GSN: variants seen among roughly 807,000 people sequenced by gnomAD.
GSN encodes gelsolin, also known as actin-depolymerizing factor.
Under a neutral mutation model 85.7 loss-of-function variants are expected in GSN, and 56 were observed. The observed-to-expected ratio is 0.65, with a 90% CI of 0.53 to 0.82. The LOEUF (loss-of-function observed/expected upper bound fraction) is 0.82. Ranked by LOEUF, GSN falls within the 40% of genes least tolerant of loss-of-function variation. GSN has a pLI of 0.00. For synonymous variants in GSN, 373 were observed against 399.1 expected (o/e 0.93, Z 0.78); for missense variants, 857 against 979.8 (o/e 0.87, Z 1.67).
rs780822205 is a variant in GSN, at chr9:121,326,753, C to T, written c.1587+71C>T. On this transcript the variant is annotated intron_variant, in intron 13 of 17. Transcript: ENST00000432226. ...ACCTCCCAGCTCAATGACCAGATCT[C>T]CAGGCACAGGAACGGGGGCAGGGGA... The T allele has an allele frequency of 5.3e-6, 7 of 1,320,826 alleles. No homozygotes were observed. The African/African-American group carries it at 7.2e-5, about 14-fold the overall frequency. 81.8% of individuals were successfully genotyped at this position (1,320,826 alleles called of 1,614,324 possible).
intron 5 of GSN, 156 bp from the exon 6 acceptor site, chr9:121,312,183 G>A (rs999681491): frequency 4.4e-5 from 33 of 750,452 alleles, no homozygotes; most frequent in South Asian, 1.1e-4. Flanking sequence ...TTAATTGTAC[G>A]TAAATAATGC....
Position 121,327,431 on chromosome 9 carries a change from C to T in GSN, c.1711C>T (p.Leu571Phe). The T allele has an allele frequency of 6.2e-7, 1 of 1,606,178 alleles. No individual in the cohort carries two copies. The highest frequency in any genetic ancestry group is 1.1e-5 in the South Asian group (1 of 89,776). ...EAEKTGAQEL[L>F]RVLRAQPVQV... Reference sequence around the variant, plus strand: ...AGAGAAGACGGGGGCCCAGGAGCTGCTCAGGGTGCTGCGGGCCCAACCTGT... The same window carrying T: ...AGAGAAGACGGGGGCCCAGGAGCTGTTCAGGGTGCTGCGGGCCCAACCTGT... The change falls in exon 14 of 18, where the codon CTC becomes TTC. Residue 571 changes from leucine to phenylalanine, a missense_variant. Physicochemically the swap from Leu to Phe is conservative, Grantham distance 22. Transcript: ENST00000432226.
chr9:121,310,776 T>C lies in GSN; in HGVS notation c.444T>C (p.Arg148=). The C allele has an allele frequency of 6.2e-7, 1 of 1,614,140 alleles. No homozygotes were observed. The highest frequency in any genetic ancestry group is 8.5e-7 in the Non-Finnish European group (1 of 1,180,010). ...LFQVKGRRVV[R]ATEVPVSWES... ...AGGTCAAAGGGCGGCGTGTGGTCCGTGCCACCGAGGTACCTGTGTCCTGGG... is the reference window on the plus strand; with the variant it reads ...AGGTCAAAGGGCGGCGTGTGGTCCGCGCCACCGAGGTACCTGTGTCCTGGG... Residue 148 remains arginine, a synonymous_variant, in exon 5 of 18, where the codon CGT becomes CGC. Transcript: ENST00000432226.
chr9:121,234,697 T>C (rs1396336140), intron 5 of GSN, among the ~76,000 whole-genome samples: 1 of 152,064 alleles, frequency 6.6e-6, no homozygotes, highest in Non-Finnish European at 1.5e-5. Flanking sequence ...AAAAAATAAA[T>C]GTAGGGTTGG....
intron 4 of GSN, among the ~76,000 whole-genome samples, chr9:121,227,175 T>A (rs2054285307): frequency 6.6e-6 from 1 of 152,054 alleles, no homozygotes; most frequent in South Asian, 2.1e-4. Context: ...GGGCGGATCA[T>A]CTGAGGTCAG....
chr9:121,268,991 G>T (rs913355790), intron 1 of GSN, among the ~76,000 whole-genome samples: 1 of 152,212 alleles, frequency 6.6e-6, no homozygotes. Context: ...GGGGGTGTGG[G>T]TGAGCAGGAG....
chr9:121,322,098 A>G (rs913349643), intron 11 of GSN, among the ~76,000 whole-genome samples: 2 of 152,206 alleles, frequency 1.3e-5, no homozygotes, highest in African/African-American at 4.8e-5. Flanking sequence ...TCAAAACAGA[A>G]TATAAAGGTA....
At chr9:121,239,081 G>T in intron 5 of GSN, 1 of 381,716 alleles carries the variant, frequency 2.6e-6, no homozygotes, top group Admixed American at 3.3e-5. Context: ...GTAAGAGTAG[G>T]AATTTGAGTA....
chr9:121,208,443 G>A (rs986293655), intron 1 of GSN, among the ~76,000 whole-genome samples: 3 of 152,204 alleles, frequency 2.0e-5, no homozygotes, highest in African/African-American at 7.2e-5. Context: ...AGATAGAAAT[G>A]TATTCTTCCC....
chr9:121,216,683 G>T (rs991065526), intron 4 of GSN, among the ~76,000 whole-genome samples: 19 of 152,146 alleles, frequency 1.2e-4, no homozygotes, highest in African/African-American at 4.3e-4. Context: ...TGTTTTCTTG[G>T]TATTATAGTG....
chr9:121,307,839 TCCTGTCTTTCTGCGCTTCC>T (rs1161934890), intron 4 of GSN, among the ~76,000 whole-genome samples: 1 of 151,872 alleles, frequency 6.6e-6, no homozygotes, highest in African/African-American at 2.4e-5. Context: ...CTCAGAACCC[TCCTGTCTTTCTGCGCTTCC>T]CCTGCCTTTC....
chr9:121,326,827 C>T, intron 13 of GSN, 145 bp downstream of exon 13: 2 of 833,450 alleles, frequency 2.4e-6, no homozygotes, highest in Non-Finnish European at 4.3e-6. Flanking sequence ...CCTGCCGTGG[C>T]CACAGGGTTG....
intron 4 of GSN, among the ~76,000 whole-genome samples, chr9:121,230,013 G>A (rs899462733): frequency 6.6e-6 from 1 of 152,076 alleles, no homozygotes; most frequent in Non-Finnish European, 1.5e-5. Flanking sequence ...TTGATTCAAT[G>A]TGTAGAAATC....
intron 6 of GSN, chr9:121,313,731 A>T: frequency 1.6e-6 from 1 of 618,514 alleles, no homozygotes; most frequent in Non-Finnish European, 2.9e-6. Context: ...GGAGTTTCTG[A>T]GTCAGGGAGA....
intron 5 of GSN, among the ~76,000 whole-genome samples, chr9:121,242,846 T>G (rs1232360052): frequency 6.6e-6 from 1 of 152,124 alleles, no homozygotes; most frequent in African/African-American, 2.4e-5. Context: ...GCATGTCATC[T>G]TTTCCTTAAG....
intron 6 of GSN, among the ~76,000 whole-genome samples, chr9:121,248,559 A>C (rs80140349): frequency 6.6e-6 from 1 of 152,092 alleles, no homozygotes; most frequent in African/African-American, 2.4e-5. Context: ...TTGAAAATAC[A>C]TGAGATCTGG....
intron 4 of GSN, among the ~76,000 whole-genome samples, chr9:121,304,160 G>A (rs1008434090): frequency 6.6e-6 from 1 of 152,204 alleles, no homozygotes; most frequent in Non-Finnish European, 1.5e-5. Flanking sequence ...CAATGGAGTG[G>A]TGACCTTGTC....
chr9:121,299,631 T>C lies in GSN; in HGVS notation c.-9-2332T>C. The C allele has an allele frequency of 2.1e-6, 1 of 473,408 alleles. No homozygotes were observed. Among genetic ancestry groups the C allele is most frequent in the Non-Finnish European group, 2.8e-6 (1 of 361,958 alleles). 29.3% of individuals were successfully genotyped at this position (473,408 alleles called of 1,614,324 possible). ...GTGCACACAGCTAGCGCCCGCCGTA[T>C]GTCAGGCCTGGTGCTGGGTCTCCGC... On this transcript the variant is annotated intron_variant, in intron 2 of 17. Transcript: ENST00000432226. The surrounding 1 kb of genome is among the most constrained non-coding windows in gnomAD (Gnocchi z 4.2).
chr9:121,329,189 A>G lies in GSN; in HGVS notation c.1888-49A>G, dbSNP rs753860477. On this transcript the variant is annotated intron_variant, in intron 15 of 17. Coordinates refer to ENST00000432226, the MANE Select transcript of GSN (RefSeq NM_198252.3). This position sits in a 1 kb window ranked among gnomAD's most constrained non-coding sequence, Gnocchi z 4.6. ...CTCAGGGGGCAGATAAAGGAAGGCC[A>G]CCCAGGGGAGGGAAGACATCTCACT... is the stretch of plus-strand genomic sequence containing the variant. 6 of 1,504,486 alleles carry G rather than the reference A, an allele frequency of 4.0e-6. No homozygotes were observed. The Admixed American group carries it at 8.4e-5, about 21-fold the overall frequency. 93.2% of individuals were successfully genotyped at this position (1,504,486 alleles called of 1,614,324 possible).
Sources: gnomAD v4.1 joint callset for allele counts (sites outside exome capture counted in the v4.1 genomes callset) on GRCh38, gnomAD v4.1.1 for gene constraint, Gnocchi (gnomAD v3.1) non-coding constraint, MANE v1.5 for transcripts, NCBI Gene and HGNC (gene_info 2026-07-23, HGNC 2026-07-21) for gene names.